ZNF106: variants seen among roughly 807,000 people sequenced by gnomAD.
ZNF106 encodes the protein SH3-domain binding protein 3.
Under a neutral mutation model 195.1 loss-of-function variants are expected in ZNF106, and 67 were observed. That is an observed-to-expected ratio of 0.34 (90% CI 0.28 to 0.42). ZNF106 has a LOEUF of 0.42. Ranked by LOEUF, ZNF106 falls within the 10% of genes least tolerant of loss-of-function variation. The pLI is 1.00. For synonymous variants in ZNF106, 784 were observed against 818.6 expected, an observed-to-expected ratio of 0.96 and a Z score of 0.72; for missense variants, 2,118 against 2,304.5, an observed-to-expected ratio of 0.92 and a Z score of 1.66.
intron 14 of ZNF106, among the ~76,000 whole-genome samples, chr15:42,430,701 G>C (rs1276408918): frequency 6.6e-6 from 1 of 152,050 alleles, no homozygotes; most frequent in Non-Finnish European, 1.5e-5. Flanking sequence ...ATTTAAAGGT[G>C]TAAGCCCCTT....
At position 42,417,931 on chromosome 15, in the gene ZNF106, T is replaced by C; in HGVS notation, c.5538A>G (p.Ile1846Met). ...YRCWWHGCSL[I>M]FGVVDHLKQH... ...GTTTTAAATGATCTACAACGCCAAA[T>C]ATCAGAGAGCAACCATGCCACTGGA... Residue 1846 changes from isoleucine to methionine, a missense_variant, in exon 21 of 22, where the codon ATA (isoleucine) becomes ATG (methionine). Ile to Met is a conservative substitution (Grantham distance 10, BLOSUM62 1). Transcript: ENST00000564754. 1 of 1,613,424 alleles carries C rather than the reference T, an allele frequency of 6.2e-7. No homozygotes were observed. Among genetic ancestry groups the C allele is most frequent in the Non-Finnish European group, 8.5e-7 (1 of 1,179,760 alleles).
At position 42,414,945 on chromosome 15, in the gene ZNF106, AACAGCACAAATATTTAATAC is replaced by A. The variant is rs944667256; in HGVS notation, c.*2339_*2358del. ...GAAAAGCTTCTCAATCTCATACAGA[AACAGCACAAATATTTAATAC>A]ACCTTTTGCAACAAGATCTTCTCTG... On this transcript the variant is annotated 3_prime_UTR_variant, in exon 22 of 22. Transcript: ENST00000564754. 3.9e-5 allele frequency: 6 copies of A among 152,274 alleles called. No homozygotes were observed. Among genetic ancestry groups the A allele is most frequent in the African/African-American group, 1.4e-4 (6 of 41,428 alleles). 9.4% of individuals were successfully genotyped at this position (152,274 alleles called of 1,614,324 possible). A position where few individuals can be genotyped will look rare whatever the true frequency, so the allele number is the denominator to read the frequency against.
Position 42,414,244 on chromosome 15 carries a change from G to A in ZNF106, c.*3060C>T, listed in dbSNP as rs78656231. On this transcript the variant is annotated 3_prime_UTR_variant, in exon 22 of 22. Coordinates refer to ENST00000564754, the MANE Select transcript of ZNF106 (RefSeq NM_001366845.3). ...TATAATCAGTCACAACATTGTGGAA[G>A]ACATTAAAAAAAGAAGGCAAAGTTC... 6.6e-6 allele frequency: 1 copy of A among 152,214 alleles called. No homozygotes were observed. Among genetic ancestry groups the A allele is most frequent in the Non-Finnish European group, 1.5e-5 (1 of 68,004 alleles). The allele number at this position is 152,214 out of a possible 1,614,324, so 9.4% of individuals were successfully genotyped here.
chr15:42,459,572 A>G (rs921810831), intron 3 of ZNF106, among the ~76,000 whole-genome samples: 5 of 152,366 alleles, frequency 3.3e-5, no homozygotes, highest in Non-Finnish European at 4.4e-5. Context: ...AATTGATGGT[A>G]GCTCATTCCA....
intron 1 of ZNF106, among the ~76,000 whole-genome samples, chr15:42,488,829 C>A (rs1326463277): frequency 6.6e-6 from 1 of 152,100 alleles, no homozygotes; most frequent in African/African-American, 2.4e-5. Context: ...GTAATCCCAG[C>A]AATTTGGGAG....
intron 3 of ZNF106, among the ~76,000 whole-genome samples, chr15:42,459,279 C>T (rs2056326791): frequency 6.6e-6 from 1 of 151,878 alleles, no homozygotes. Flanking sequence ...AGTTTGAGAC[C>T]ACCCGGGCCA....
intron 3 of ZNF106, among the ~76,000 whole-genome samples, chr15:42,465,128 T>C (rs1384397570): frequency 1.3e-5 from 2 of 152,234 alleles, no homozygotes; most frequent in African/African-American, 4.8e-5. Flanking sequence ...CTTGAACTCC[T>C]GGGCTCAAGC....
chr15:42,441,574 T>C (rs1199911463), intron 10 of ZNF106, among the ~76,000 whole-genome samples: 1 of 152,224 alleles, frequency 6.6e-6, no homozygotes, highest in Admixed American at 6.5e-5. Flanking sequence ...AGGTAAGTGT[T>C]ATTTTTTGAA....
At chr15:42,442,878 G>C (rs566550971) in intron 9 of ZNF106, among the ~76,000 whole-genome samples, 1 of 152,044 alleles carries the variant, frequency 6.6e-6, no homozygotes, top group African/African-American at 2.4e-5. Context: ...CCACCTCCCG[G>C]GTCCAAGCGA....
chr15:42,415,069 G>C lies in ZNF106; in HGVS notation c.*2235C>G. On this transcript the variant is annotated 3_prime_UTR_variant, in exon 22 of 22. Transcript: ENST00000564754. ...CCCCAAGGACAGAAGTCAAGAGCTT[G>C]TGGGGCCATATATTATCTAGTACTA... is the stretch of plus-strand genomic sequence containing the variant. 1 of 154,208 alleles carries C rather than the reference G, an allele frequency of 6.5e-6. No individual in the cohort carries two copies. The highest frequency in any genetic ancestry group is 6.5e-5 in the Admixed American group (1 of 15,386). 9.6% of individuals were successfully genotyped at this position (154,208 alleles called of 1,614,324 possible).
At chr15:42,438,129 G>A (rs554307843) in intron 12 of ZNF106, among the ~76,000 whole-genome samples, 1 of 152,240 alleles carries the variant, frequency 6.6e-6, no homozygotes, top group African/African-American at 2.4e-5. Context: ...GCTCACGCCT[G>A]TAGTCCCAGC....
intron 19 of ZNF106, 117 bp from the exon 20 acceptor site, chr15:42,421,249 A>C: frequency 2.3e-6 from 2 of 886,180 alleles, no homozygotes; most frequent in Non-Finnish European, 3.7e-6. Flanking sequence ...ACCTAAATCA[A>C]AACCAGCTCC....
chr15:42,425,104 A>G, intron 15 of ZNF106, 79 bp from the exon 16 acceptor site: 1 of 1,404,102 alleles, frequency 7.1e-7, no homozygotes, highest in Non-Finnish European at 9.9e-7. Flanking sequence ...CCTTGGTACA[A>G]ACTCATTTCT....
chr15:42,418,038 C>CT (rs2054520345), intron 20 of ZNF106, 87 bp from the exon 21 acceptor site: 17 of 1,343,290 alleles, frequency 1.3e-5, no homozygotes, highest in Non-Finnish European at 1.7e-5. Flanking sequence ...CCCATAAGCA[C>CT]TATGGAAGCA....
intron 1 of ZNF106, chr15:42,490,413 T>C (rs533125991): frequency 6.6e-6 from 1 of 152,236 alleles, no homozygotes; most frequent in South Asian, 2.1e-4. Flanking sequence ...TCAAAGATGA[T>C]TACACAACAA....
In ZNF106 at chr15:42,451,128, C is replaced by T. The variant is rs779964244; in HGVS notation, c.1144G>A (p.Asp382Asn). 1.4e-5 allele frequency: 23 copies of T among 1,614,048 alleles called. No individual in the cohort carries two copies. The highest frequency in any genetic ancestry group is 5.1e-6 in the Non-Finnish European group (6 of 1,180,040). ...ATGTCTTTCAATCCCGACTGTAAATCCAGAGTCTTCTGAGAAGGGTAAGGC... is the reference window on the plus strand; with the variant it reads ...ATGTCTTTCAATCCCGACTGTAAATTCAGAGTCTTCTGAGAAGGGTAAGGC... ...WTPYPSQKTL[D>N]LQSGLKDITG... is the part of the protein sequence containing the mutation. Residue 382 changes from aspartate (D) to asparagine (N), a missense_variant, in exon 5 of 22, where the codon GAT becomes AAT. Physicochemically the swap from Asp to Asn is conservative, Grantham distance 23. Coordinates refer to ENST00000564754, the MANE Select transcript of ZNF106 (RefSeq NM_001366845.3).
intron 1 of ZNF106, among the ~76,000 whole-genome samples, chr15:42,479,811 C>T (rs967082890): frequency 1.3e-5 from 2 of 152,070 alleles, no homozygotes; most frequent in Non-Finnish European, 2.9e-5. Context: ...CACTTCATTC[C>T]AGCCTCAGCA....
At chr15:42,422,765 G>A (rs2054715506) in intron 17 of ZNF106, 145 bp from the exon 18 acceptor site, 1 of 770,104 alleles carries the variant, frequency 1.3e-6, no homozygotes. Flanking sequence ...TACAAATACA[G>A]TTAATACAAC....
At chr15:42,442,928 A>T (rs2055612208) in intron 9 of ZNF106, among the ~76,000 whole-genome samples, 1 of 151,818 alleles carries the variant, frequency 6.6e-6, no homozygotes, top group South Asian at 2.1e-4. Context: ...GGATTACAGG[A>T]GCACGCCACC....
Sources: allele counts gnomAD v4.1 joint callset (sites outside exome capture counted in the v4.1 genomes callset), GRCh38; gene constraint gnomAD v4.1.1; transcripts MANE v1.5; gene names NCBI Gene and HGNC (gene_info 2026-07-23, HGNC 2026-07-21).